The following AK5 variants were observed in gnomAD, a reference collection of about 807,000 sequenced individuals.
The protein encoded by AK5 is adenylate kinase isoenzyme 5.
AK5 carries 27 observed loss-of-function variants against 69.5 expected under a neutral mutation model. The ratio of observed to expected loss-of-function variants is 0.39; its 90% CI spans 0.29 to 0.54. The LOEUF (loss-of-function observed/expected upper bound fraction) is 0.54, where lower values mean the gene tolerates loss of function less well. AK5 is among the 20% of genes least tolerant of loss of function. The pLI, the probability that AK5 is intolerant of heterozygous loss-of-function variation, is 0.71. For missense variants in AK5, 531 were observed against 700.4 expected (o/e 0.76, Z 2.73); for synonymous variants, 260 against 244.4 (o/e 1.06, Z -0.60).
At chr1:77,517,340 G>A (rs1275910651) in intron 10 of AK5, among the ~76,000 whole-genome samples, 1 of 152,160 alleles carries the variant, frequency 6.6e-6, no homozygotes, top group African/African-American at 2.4e-5. Context: ...ATGAGGACCT[G>A]AAGTGTGGCC....
intron 6 of AK5, among the ~76,000 whole-genome samples, chr1:77,348,275 C>A (rs1236892555): frequency 1.3e-5 from 2 of 152,072 alleles, no homozygotes; most frequent in Non-Finnish European, 2.9e-5. Context: ...CAAGTGAAGA[C>A]CTTTGGAGGT....
chr1:77,390,979 T>G (rs562528385), intron 6 of AK5, among the ~76,000 whole-genome samples: 6 of 152,316 alleles, frequency 3.9e-5, no homozygotes, highest in African/African-American at 1.4e-4. Context: ...AAACCTGTAT[T>G]GCTGTCAAAA....
Position 77,297,623 on chromosome 1 carries a change from C to T in AK5, c.480C>T (p.Tyr160=). Residue 160 remains tyrosine (Y), a synonymous_variant, in exon 4 of 14, where the codon TAC becomes TAT. Coordinates refer to ENST00000354567, the MANE Select transcript of AK5 (RefSeq NM_174858.3). The stretch of plus-strand genomic sequence containing the variant: ...TTGCAGAACGATATGGATTCCAATA[C>T]ATTTCTGTGGGAGAATTATTAAGAA... ...LKIAERYGFQ[Y]ISVGELLRKK... The T allele has an allele frequency of 1.2e-6, 2 of 1,613,894 alleles. No homozygotes were observed. Among genetic ancestry groups the T allele is most frequent in the Non-Finnish European group, 1.7e-6 (2 of 1,179,900 alleles).
At chr1:77,468,365 C>A (rs1001596178) in intron 8 of AK5, among the ~76,000 whole-genome samples, 18 of 152,206 alleles carry the variant, frequency 1.2e-4, no homozygotes, top group Admixed American at 9.2e-4. Flanking sequence ...GTGAGACACA[C>A]AGGTTGGTAA....
intron 8 of AK5, among the ~76,000 whole-genome samples, chr1:77,480,984 A>G (rs117712445): frequency 0.01 from 1,551 of 152,292 alleles, 35 homozygotes; most frequent in East Asian, 0.079. Flanking sequence ...GCTCCATCCT[A>G]ACTTCAGCCT....
intron 6 of AK5, among the ~76,000 whole-genome samples, chr1:77,367,904 T>TATATA (rs1553140114): frequency 5.1e-4 from 2 of 3,948 alleles, no homozygotes; most frequent in African/African-American, 7.7e-4. Context: ...ATATATATTA[T>TATATA]ATATAAAATA....
intron 6 of AK5, among the ~76,000 whole-genome samples, chr1:77,350,766 A>C (rs1235239437): frequency 6.6e-6 from 1 of 152,150 alleles, no homozygotes; most frequent in Non-Finnish European, 1.5e-5. Context: ...TACCCTTTGG[A>C]TAGTGTTCAT....
intron 5 of AK5, among the ~76,000 whole-genome samples, chr1:77,333,258 G>A (rs983322109): frequency 7.2e-5 from 11 of 152,220 alleles, no homozygotes; most frequent in African/African-American, 2.4e-4. Flanking sequence ...CTTTTACTTA[G>A]CCGTTTTTGC....
At chr1:77,521,443 CTTT>C (rs1408508668) in intron 11 of AK5, among the ~76,000 whole-genome samples, 1 of 152,070 alleles carries the variant, frequency 6.6e-6, no homozygotes, top group African/African-American at 2.4e-5. Flanking sequence ...CAGTAAAATA[CTTT>C]TTATACCATG....
intron 10 of AK5, among the ~76,000 whole-genome samples, chr1:77,510,512 T>C (rs1172312411): frequency 1.3e-5 from 2 of 151,444 alleles, no homozygotes; most frequent in Non-Finnish European, 2.9e-5. Context: ...AGTTTTCCGC[T>C]GCTAAAAAAA....
chr1:77,403,972 G>C (rs11162336), intron 6 of AK5, among the ~76,000 whole-genome samples: 57,989 of 151,806 alleles, frequency 0.38, 11,637 homozygotes, highest in Non-Finnish European at 0.44. Context: ...CTTTTATTTC[G>C]TTGAGCAGTG....
chr1:77,559,794 G>GCAT lies in AK5; in HGVS notation c.*1126_*1128dup, dbSNP rs1468324388. 6.6e-6 allele frequency: 1 copy of GCAT among 152,066 alleles called. No individual in the cohort carries two copies. The highest frequency in any genetic ancestry group is 1.5e-5 in the Non-Finnish European group (1 of 68,000). 9.4% of individuals were successfully genotyped at this position (152,066 alleles called of 1,614,324 possible). ...GCTTATATATTCTACTGGAATAACTGCATCTTCCACTCAGTCACTACAAAA... is the reference window on the plus strand; with the variant it reads ...GCTTATATATTCTACTGGAATAACTGCATCATCTTCCACTCAGTCACTACAAAA... On this transcript the variant is annotated 3_prime_UTR_variant, in exon 14 of 14. Transcript: ENST00000354567.
intron 8 of AK5, among the ~76,000 whole-genome samples, chr1:77,464,009 A>G (rs570235278): frequency 5.3e-5 from 8 of 152,340 alleles, no homozygotes; most frequent in Admixed American, 6.5e-5. Context: ...TCTGCCTTCT[A>G]TGTTCAAGGC....
At chr1:77,287,197 C>T (rs1280490344) in intron 2 of AK5, 70 bp downstream of exon 2, 4 of 1,118,018 alleles carry the variant, frequency 3.6e-6, no homozygotes, top group Non-Finnish European at 4.7e-6. Context: ...GCCATATAGA[C>T]TATACACAGT....
chr1:77,396,973 G>C (rs547221256), intron 6 of AK5, among the ~76,000 whole-genome samples: 1 of 152,200 alleles, frequency 6.6e-6, no homozygotes, highest in Non-Finnish European at 1.5e-5. Flanking sequence ...TCACATTCCT[G>C]TGTGCCCATC....
At chr1:77,378,682 G>A (rs1345379534) in intron 6 of AK5, among the ~76,000 whole-genome samples, 1 of 152,102 alleles carries the variant, frequency 6.6e-6, no homozygotes, top group African/African-American at 2.4e-5. Context: ...AGCAAGTTTG[G>A]ATTAATAAAA....
At chr1:77,295,668 ATTCT>A (rs66914975) in intron 3 of AK5, among the ~76,000 whole-genome samples, 57,778 of 151,672 alleles carry the variant, frequency 0.38, 11,361 homozygotes, top group Non-Finnish European at 0.44. Context: ...GACAGAACAC[ATTCT>A]TTCTATTTTG....
At chr1:77,296,876 A>G (rs1019351252) in intron 3 of AK5, among the ~76,000 whole-genome samples, 1 of 152,194 alleles carries the variant, frequency 6.6e-6, no homozygotes, top group Non-Finnish European at 1.5e-5. Flanking sequence ...TTTTTCCAGC[A>G]TCATTTATTG....
intron 8 of AK5, among the ~76,000 whole-genome samples, chr1:77,418,545 G>A (rs1363260998): frequency 5.3e-5 from 8 of 152,160 alleles, no homozygotes; most frequent in African/African-American, 9.7e-5. Context: ...ATTTATCTGG[G>A]TCATTTTCCT....
Sources: gnomAD v4.1 joint callset for allele counts (sites outside exome capture counted in the v4.1 genomes callset) on GRCh38, gnomAD v4.1.1 for gene constraint, MANE v1.5 for transcripts, NCBI Gene and HGNC (gene_info 2026-07-23, HGNC 2026-07-21) for gene names.